Variants in KMT2D observed in about 807,000 individuals in gnomAD.
KMT2D encodes histone-lysine N-methyltransferase 2D.
A neutral mutation model predicts 512.7 loss-of-function variants in KMT2D; 55 were observed. The ratio of observed to expected loss-of-function variants is 0.11; its 90% CI spans 0.09 to 0.13. The LOEUF (loss-of-function observed/expected upper bound fraction) is 0.13. KMT2D is among the 10% of genes least tolerant of loss of function. KMT2D has a pLI of 1.00. For synonymous variants in KMT2D, 2,995 were observed against 2,904.0 expected (o/e 1.03, Z -1.01); for missense variants, 6,061 against 7,127.9 (o/e 0.85, Z 5.39).
chr12:49,037,897 C>T lies in KMT2D; in HGVS notation c.9459G>A (p.Gly3153=), dbSNP rs753391993. ...CCATCATGCTCTGTCCTGGCTTTAG[C>T]CCCAGGCCAAGGGAATTGGCAGCAG... ...PAPAANSLGL[G]LKPGQSMMGS... Residue 3153 remains glycine, a synonymous_variant, in exon 35 of 55, where the codon GGG becomes GGA. Transcript: ENST00000301067. The T allele has an allele frequency of 6.2e-7, 1 of 1,601,624 alleles. No homozygotes were observed. Among genetic ancestry groups the T allele is most frequent in the East Asian group, 2.3e-5 (1 of 44,388 alleles).
chr12:49,047,479 G>A (rs549362104), intron 15 of KMT2D, among the ~76,000 whole-genome samples: 5 of 145,590 alleles, frequency 3.4e-5, no homozygotes, highest in African/African-American at 7.8e-5. Flanking sequence ...GTACAGTGGC[G>A]TGATCTCGGC....
rs758685548 is a variant in KMT2D at position 49,040,886 on chromosome 12, G to A, written c.6884C>T (p.Ser2295Phe). 7.4e-6 allele frequency: 12 copies of A among 1,613,718 alleles called. No homozygotes were observed. Among genetic ancestry groups the A allele is most frequent in the African/African-American group, 1.3e-5 (1 of 74,898 alleles). Residue 2295 changes from serine (S) to phenylalanine (F), a missense_variant, in exon 32 of 55, where the codon TCC becomes TTC. Physicochemically the swap from Ser to Phe is radical, Grantham distance 155. Around this residue, in one of 16 missense-constraint regions of KMT2D, gnomAD observed 710 missense variants for 647.3 expected, o/e 1.10. Transcript: ENST00000301067. Reference sequence around the variant, plus strand: ...GTTTGGGGGCCCATAGCTAGGAGAGGATGCCCCAAGCTCTTCCTTCTTCAC... The same window carrying A: ...GTTTGGGGGCCCATAGCTAGGAGAGAATGCCCCAAGCTCTTCCTTCTTCAC... The part of the protein sequence containing the change: ...LEVKKEELGA[S>F]SPSYGPPNLG...
In KMT2D at chr12:49,037,139, A is replaced by C; in HGVS notation, c.10217T>G (p.Phe3406Cys). The C allele has an allele frequency of 6.3e-7, 1 of 1,575,680 alleles. No individual in the cohort carries two copies. The highest frequency in any genetic ancestry group is 8.7e-7 in the Non-Finnish European group (1 of 1,155,432). ...GCTGAGGTTACCTGTATCTGGGAAG[A>C]AGCTGTTTGCCAGCTGCTGCTGCAT... ...LAMQQQLANSFFPDTDLDKFA... is the reference protein window; with the variant it reads ...LAMQQQLANSCFPDTDLDKFA... The change falls in exon 35 of 55, where the codon TTC (phenylalanine) becomes TGC (cysteine). Residue 3406 changes from phenylalanine (F) to cysteine (C), a missense_variant. By Grantham distance (205) the Phe-to-Cys change is radical. Coordinates refer to ENST00000301067, the MANE Select transcript of KMT2D (RefSeq NM_003482.4).
chr12:49,034,986 G>A, intron 35 of KMT2D, 51 bp from the exon 36 acceptor site: 2 of 1,602,416 alleles, frequency 1.2e-6, no homozygotes, highest in Non-Finnish European at 1.7e-6. Context: ...ATGCTCCAGT[G>A]AATATCTGCG....
In KMT2D at chr12:49,052,432, C is replaced by T. The variant is rs1565821115; in HGVS notation, c.1259-8G>A. 6.5e-7 allele frequency: 1 copy of T among 1,540,482 alleles called. No individual in the cohort carries two copies. The highest frequency in any genetic ancestry group is 2.0e-5 in the Admixed American group (1 of 50,482). ...GTTGGACCCCTGCTTTCCCTGCAGA[C>T]ACAACAACACGATGCTCCTATCTAG... On this transcript the variant is annotated splice_polypyrimidine_tract_variant and splice_region_variant and intron_variant, in intron 10 of 54. Coordinates refer to ENST00000301067, the MANE Select transcript of KMT2D (RefSeq NM_003482.4).
rs1338382376 is a variant in KMT2D, at chr12:49,046,049, A to G, written c.4693+16T>C. The G allele has an allele frequency of 1.2e-6, 2 of 1,611,366 alleles. No homozygotes were observed. The highest frequency in any genetic ancestry group is 2.7e-5 in the African/African-American group (2 of 74,834). On this transcript the variant is annotated intron_variant, in intron 18 of 54. Coordinates refer to ENST00000301067, the MANE Select transcript of KMT2D (RefSeq NM_003482.4). This position sits in a 1 kb window ranked among gnomAD's most constrained non-coding sequence, Gnocchi z 4.2. ...CCTGCTCTGACTCCTCCCCCTACCC[A>G]GCAGCTGGTACTCACCCACAGGCTT...
In KMT2D at chr12:49,039,461, CT is replaced by C; in HGVS notation, c.8202del (p.Gly2735AlafsTer22). On this transcript the variant is annotated frameshift_variant, in exon 33 of 55. Transcript: ENST00000301067. LOFTEE classifies it high-confidence loss of function. This position sits in a 1 kb window ranked among gnomAD's most constrained non-coding sequence, Gnocchi z 5.0. ...TGTGTCCCAGCAAAGGGGGTCTGGCCTCGACTCAGCTGCTCAAAGGCAGGGC... is the reference window on the plus strand; with the variant it reads ...TGTGTCCCAGCAAAGGGGGTCTGGCCCGACTCAGCTGCTCAAAGGCAGGGC... ...PSSPAFEQLS[R>X]GQTPFAGTQD... 6.2e-7 allele frequency: 1 copy of C among 1,603,444 alleles called. No individual in the cohort carries two copies. The highest frequency in any genetic ancestry group is 8.5e-7 in the Non-Finnish European group (1 of 1,173,604).
chr12:49,041,930 T>C lies in KMT2D; in HGVS notation c.6170A>G (p.Lys2057Arg). The change falls in exon 30 of 55, where the codon AAA becomes AGA. Residue 2057 changes from lysine to arginine, a missense_variant. By Grantham distance (26) the Lys-to-Arg change is conservative. Coordinates refer to ENST00000301067, the MANE Select transcript of KMT2D (RefSeq NM_003482.4). The surrounding 1 kb of genome is among the most constrained non-coding windows in gnomAD (Gnocchi z 5.4). ...KLWRKVPAADKAPYLQKAKDN... is the reference protein window; with the variant it reads ...KLWRKVPAADRAPYLQKAKDN... ...TTTCTGCCTCACCAGGTAGGGGGCTTTGTCAGCTGCTGGAACCTTTCTCCA... is the reference window on the plus strand; with the variant it reads ...TTTCTGCCTCACCAGGTAGGGGGCTCTGTCAGCTGCTGGAACCTTTCTCCA... The C allele has an allele frequency of 6.2e-7, 1 of 1,607,608 alleles. No individual in the cohort carries two copies. Among genetic ancestry groups the C allele is most frequent in the Non-Finnish European group, 8.5e-7 (1 of 1,176,692 alleles).
rs945302140 is a variant in KMT2D at position 49,044,459 on chromosome 12, G to C, written c.5027C>G (p.Pro1676Arg). 8.1e-6 allele frequency: 13 copies of C among 1,613,960 alleles called. No homozygotes were observed. The highest frequency in any genetic ancestry group is 1.1e-5 in the Non-Finnish European group (13 of 1,179,900). Residue 1676 changes from proline (P) to arginine (R), a missense_variant, in exon 21 of 55, where the codon CCT (proline) becomes CGT (arginine). Transcript: ENST00000301067. The surrounding 1 kb of genome is among the most constrained non-coding windows in gnomAD (Gnocchi z 6.4). The part of the protein sequence containing the change: ...LEGPVSPDVE[P>R]GKEETEESKK... ...GCTTTCCTCGGTCTCCTCTTTGCCAGGCTCCACATCAGGGCTGACGGGGCC... is the reference window on the plus strand; with the variant it reads ...GCTTTCCTCGGTCTCCTCTTTGCCACGCTCCACATCAGGGCTGACGGGGCC...
Position 49,044,225 on chromosome 12 carries a change from C to A in KMT2D, c.5163G>T (p.Leu1721Phe), listed in dbSNP as rs763686929. The change falls in exon 22 of 55, where the codon TTG becomes TTT. Residue 1721 changes from leucine to phenylalanine, a missense_variant. By Grantham distance (22) the Leu-to-Phe change is conservative. Around this residue, in one of 16 missense-constraint regions of KMT2D, gnomAD observed 640 missense variants for 814.3 expected, o/e 0.79. Coordinates refer to ENST00000301067, the MANE Select transcript of KMT2D (RefSeq NM_003482.4). The surrounding 1 kb of genome is among the most constrained non-coding windows in gnomAD (Gnocchi z 6.4). ...KKGPAAQAEV[L>F]SGDGQPDEVI... is the part of the protein sequence containing the mutation. ...CCTCGTCGGGCTGCCCATCCCCACTCAACACCTCCGCCTGTGCAGCAGGCC... is the reference window on the plus strand; with the variant it reads ...CCTCGTCGGGCTGCCCATCCCCACTAAACACCTCCGCCTGTGCAGCAGGCC... The A allele has an allele frequency of 1.2e-6, 2 of 1,612,096 alleles. No homozygotes were observed. Among genetic ancestry groups the A allele is most frequent in the Non-Finnish European group, 1.7e-6 (2 of 1,179,760 alleles).
In KMT2D at chr12:49,054,860, C is replaced by T. The variant is rs773974527; in HGVS notation, c.176+40G>A. The T allele has an allele frequency of 5.5e-5, 88 of 1,607,090 alleles. No individual in the cohort carries two copies. In the Admixed American group the frequency reaches 1.4e-3, roughly 26 times the overall value. On this transcript the variant is annotated intron_variant, in intron 3 of 54. Coordinates refer to ENST00000301067, the MANE Select transcript of KMT2D (RefSeq NM_003482.4). The surrounding 1 kb of genome is among the most constrained non-coding windows in gnomAD (Gnocchi z 6.4). ...TTCCTAAATTCTCTTCCTTGAAAGC[C>T]CTAGACTCTCAAATCCTCATGTGCC...
In KMT2D at chr12:49,041,579, C is replaced by T. The variant is rs1565797525; in HGVS notation, c.6235-44G>A. On this transcript the variant is annotated intron_variant, in intron 31 of 54. Transcript: ENST00000301067. The surrounding 1 kb of genome is among the most constrained non-coding windows in gnomAD (Gnocchi z 5.4). ...CATAGGGCAGTCAGGCTGCTGCAGGCAGGCCCCATGGCCCTCCACCCTCAA... is the reference window on the plus strand; with the variant it reads ...CATAGGGCAGTCAGGCTGCTGCAGGTAGGCCCCATGGCCCTCCACCCTCAA... 1 of 1,612,356 alleles carries T rather than the reference C, an allele frequency of 6.2e-7. No homozygotes were observed. The highest frequency in any genetic ancestry group is 8.5e-7 in the Non-Finnish European group (1 of 1,179,060).
In KMT2D at chr12:49,031,322, C is replaced by T. The variant is rs1470326487; in HGVS notation, c.13383G>A (p.Leu4461=). The part of the protein sequence containing the change: ...LAGPRSEAGH[L]LLQKLLRAKN... Reference sequence around the variant, plus strand: ...TTGCCCGGAGTAGCTTCTGCAAGAGCAGATGCCCAGCTTCTGAGCGAGGGC... The same window carrying T: ...TTGCCCGGAGTAGCTTCTGCAAGAGTAGATGCCCAGCTTCTGAGCGAGGGC... The change falls in exon 40 of 55, where the codon CTG becomes CTA. Residue 4461 remains leucine, a synonymous_variant. Transcript: ENST00000301067. The T allele has an allele frequency of 1.2e-6, 2 of 1,613,466 alleles. No individual in the cohort carries two copies. The highest frequency in any genetic ancestry group is 8.5e-7 in the Non-Finnish European group (1 of 1,179,900).
At chr12:49,027,432 A>G (rs1459918357) in intron 48 of KMT2D, 110 bp from the exon 49 acceptor site, 1 of 871,976 alleles carries the variant, frequency 1.1e-6, no homozygotes, top group Non-Finnish European at 1.7e-6. Context: ...TCTTTGCCCT[A>G]GACAGCCTCT....
chr12:49,048,744 C>T lies in KMT2D; in HGVS notation c.4046G>A (p.Ser1349Asn), dbSNP rs1167060436. 1.2e-6 allele frequency: 2 copies of T among 1,610,340 alleles called. No individual in the cohort carries two copies. The highest frequency in any genetic ancestry group is 8.5e-7 in the Non-Finnish European group (1 of 1,177,486). ...LVVADIDSSP[S>N]KEEEEEDDDT... ...ATCATCTTCTTCCTCCTCCTCCTTA[C>T]TGGGAGAGCTATCAATGTCAGCAAC... Residue 1349 changes from serine (S) to asparagine (N), a missense_variant, in exon 14 of 55, where the codon AGT becomes AAT. Physicochemically the swap from Ser to Asn is conservative, Grantham distance 46 (BLOSUM62 1). Coordinates refer to ENST00000301067, the MANE Select transcript of KMT2D (RefSeq NM_003482.4).
chr12:49,031,310 C>T lies in KMT2D; in HGVS notation c.13395G>A (p.Lys4465=), dbSNP rs750452391. Residue 4465 remains lysine (K), a synonymous_variant, in exon 40 of 55, where the codon AAG becomes AAA. Coordinates refer to ENST00000301067, the MANE Select transcript of KMT2D (RefSeq NM_003482.4). ...RSEAGHLLLQ[K]LLRAKNVQLS... ...GTTGCACATTCTTTGCCCGGAGTAG[C>T]TTCTGCAAGAGCAGATGCCCAGCTT... The T allele has an allele frequency of 1.2e-6, 2 of 1,613,614 alleles. No individual in the cohort carries two copies. Among genetic ancestry groups the T allele is most frequent in the Admixed American group, 1.7e-5 (1 of 60,030 alleles).
chr12:49,030,519 G>A, intron 42 of KMT2D, 80 bp from the exon 43 acceptor site: 2 of 1,462,138 alleles, frequency 1.4e-6, no homozygotes, highest in Non-Finnish European at 9.2e-7. Flanking sequence ...CTCTACGTCA[G>A]CAATTCCCTC....
intron 49 of KMT2D, 81 bp from the exon 50 acceptor site, chr12:49,025,027 C>T (rs1942505823): frequency 2.7e-6 from 4 of 1,500,456 alleles, no homozygotes; most frequent in East Asian, 2.5e-5. Flanking sequence ...TCCAGAACTG[C>T]AGTTTTCTGA....
At chr12:49,023,425 C>A (rs562919355) in intron 51 of KMT2D, among the ~76,000 whole-genome samples, 1 of 152,326 alleles carries the variant, frequency 6.6e-6, no homozygotes, top group Admixed American at 6.5e-5. Context: ...CTGTCCCCTT[C>A]TCTGACATAA....
Sources: allele counts gnomAD v4.1 joint callset (sites outside exome capture counted in the v4.1 genomes callset), GRCh38; gene constraint gnomAD v4.1.1; regional missense constraint gnomAD v4.1.1; non-coding constraint Gnocchi (gnomAD v3.1); transcripts MANE v1.5; gene names NCBI Gene and HGNC (gene_info 2026-07-23, HGNC 2026-07-21).